The following PPP4R3A variants were observed in gnomAD, a reference collection of about 807,000 sequenced individuals.
PPP4R3A encodes protein phosphatase 4 regulatory subunit 3A.
PPP4R3A carries 15 observed loss-of-function variants against 91.7 expected under a neutral mutation model. The ratio of observed to expected loss-of-function variants is 0.16; its 90% CI spans 0.11 to 0.25. The LOEUF (loss-of-function observed/expected upper bound fraction) is 0.25, where lower values mean the gene tolerates loss of function less well. Among genes scored for constraint, PPP4R3A ranks in the 10% least tolerant of loss-of-function variants. The pLI, the probability that PPP4R3A is intolerant of heterozygous loss-of-function variation, is 1.00. For synonymous variants in PPP4R3A, 377 were observed against 348.7 expected (o/e 1.08, Z -0.91); for missense variants, 623 against 998.4 (o/e 0.62, Z 5.07).
In PPP4R3A at chr14:91,458,515, G is replaced by T; in HGVS notation, c.*244C>A. The T allele has an allele frequency of 1.8e-6, 1 of 557,638 alleles. No individual in the cohort carries two copies. The allele number at this position is 557,638 out of a possible 1,614,324, so 34.5% of individuals were successfully genotyped here. ...GCTTTTTGTTTCCATTTCCTTCCCT[G>T]AGAAAAGGGCAATGTGTGGTCCAAG... On this transcript the variant is annotated 3_prime_UTR_variant, in exon 15 of 15. Transcript: ENST00000554943.
chr14:91,468,711 A>G (rs1298069549), intron 10 of PPP4R3A, among the ~76,000 whole-genome samples: 1 of 141,302 alleles, frequency 7.1e-6, no homozygotes, highest in African/African-American at 2.6e-5. Flanking sequence ...AAAAAAGACC[A>G]AGTATACTTT....
Position 91,473,218 on chromosome 14 carries a change from G to A in PPP4R3A, c.1398+21C>T, listed in dbSNP as rs559304687. The A allele has an allele frequency of 2.5e-6, 4 of 1,612,516 alleles. No individual in the cohort carries two copies. In the African/African-American group the frequency reaches 5.3e-5, roughly 22 times the overall value. On this transcript the variant is annotated intron_variant, in intron 8 of 14. Coordinates refer to ENST00000554943, the MANE Select transcript of PPP4R3A (RefSeq NM_001366432.2). The stretch of plus-strand genomic sequence containing the variant: ...CACAATATACTAGCTATGAAAAAGA[G>A]GGGAAATGCTCATGGCTTACATTGG...
rs150507196 is a variant in PPP4R3A at position 91,463,464 on chromosome 14, C to T, written c.1831-587G>A. 2.0e-3 allele frequency among the ~76,000 whole-genome samples: 300 copies of T among 151,986 alleles called. 1 individual carries two copies. Among genetic ancestry groups the T allele is most frequent in the African/African-American group, 6.9e-3 (287 of 41,416 alleles). On this transcript the variant is annotated intron_variant, in intron 11 of 14. Transcript: ENST00000554943. ...TGTGTATTTTTTAGAGATGGGGTCT[C>T]GTTCTGGCACCTAGGTTGAGATATA... is the stretch of plus-strand genomic sequence containing the variant.
At chr14:91,498,065 T>C (rs1359221673) in intron 1 of PPP4R3A, among the ~76,000 whole-genome samples, 1 of 152,204 alleles carries the variant, frequency 6.6e-6, no homozygotes, top group African/African-American at 2.4e-5. Flanking sequence ...CCAGGCATGG[T>C]GGCTCATGCC....
chr14:91,466,900 T>G (rs1888501808), intron 10 of PPP4R3A, among the ~76,000 whole-genome samples: 2 of 151,208 alleles, frequency 1.3e-5, no homozygotes, highest in African/African-American at 4.9e-5. Context: ...GAATTTGTAC[T>G]CCAACTTTGC....
chr14:91,506,163 G>C (rs1891280888), intron 1 of PPP4R3A, among the ~76,000 whole-genome samples: 1 of 152,142 alleles, frequency 6.6e-6, no homozygotes, highest in Non-Finnish European at 1.5e-5. Context: ...TAGCCAGGAT[G>C]GTCTCGATCT....
Position 91,462,065 on chromosome 14 carries a change from G to T in PPP4R3A, c.2148C>A (p.Phe716Leu). ...DDDIMDPISK[F>L]MERKKLKESE... is the part of the protein sequence containing the mutation. The stretch of plus-strand genomic sequence containing the variant: ...CCAACATACATTTCTTCCTTTCCAT[G>T]AATTTACTTATTGGATCCATAATAT... Residue 716 changes from phenylalanine to leucine, a missense_variant, in exon 13 of 15, where the codon TTC (phenylalanine) becomes TTA (leucine). By Grantham distance (22) the Phe-to-Leu change is conservative (BLOSUM62 0). Transcript: ENST00000554943. 6.6e-7 allele frequency: 1 copy of T among 1,512,250 alleles called. No homozygotes were observed. Among genetic ancestry groups the T allele is most frequent in the South Asian group, 1.3e-5 (1 of 76,138 alleles). The allele number at this position is 1,512,250 out of a possible 1,614,324, so 93.7% of individuals were successfully genotyped here.
At position 91,468,667 on chromosome 14, in the gene PPP4R3A, C is replaced by CAAAAAAAAAAAAAAAAA. The variant is rs766250846; in HGVS notation, c.1660+2153_1660+2169dup. Among the ~76,000 whole-genome samples the CAAAAAAAAAAAAAAAAA allele has an allele frequency of 6.0e-4, 27 of 45,042 alleles. 1 individual carries two copies. Among genetic ancestry groups the CAAAAAAAAAAAAAAAAA allele is most frequent in the East Asian group, 1.7e-3 (1 of 576 alleles). The allele number at this position is 45,042 out of a possible 152,430, so 29.5% of individuals were successfully genotyped here. A position where few individuals can be genotyped will look rare whatever the true frequency, so the allele number is the denominator to read the frequency against. ...AAGGCGACAGAGTGAGACTCCGTCT[C>CAAAAAAAAAAAAAAAAA]AAAAAAAAAAAAAAAAAAAAAAGGA... is the stretch of plus-strand genomic sequence containing the variant. On this transcript the variant is annotated intron_variant, in intron 10 of 14. Transcript: ENST00000554943.
chr14:91,466,331 C>T (rs1349082265), intron 10 of PPP4R3A: 1 of 985,830 alleles, frequency 1.0e-6, no homozygotes, highest in Non-Finnish European at 1.2e-6. Context: ...CTTTGGAGAT[C>T]ATGGAAGTGG....
chr14:91,503,160 A>G (rs1033834950), intron 1 of PPP4R3A, among the ~76,000 whole-genome samples: 18 of 152,020 alleles, frequency 1.2e-4, no homozygotes, highest in African/African-American at 4.1e-4. Flanking sequence ...CTAATTTTCT[A>G]AACTTTTTGT....
At chr14:91,502,455 T>TTA (rs1891026735) in intron 1 of PPP4R3A, among the ~76,000 whole-genome samples, 1 of 152,098 alleles carries the variant, frequency 6.6e-6, no homozygotes, top group Non-Finnish European at 1.5e-5. Context: ...GTGAAATACT[T>TTA]CCCCTTGTAC....
At position 91,461,592 on chromosome 14, in the gene PPP4R3A, T is replaced by C. The variant is rs1277497308; in HGVS notation, c.2180A>G (p.Glu727Gly). The C allele has an allele frequency of 3.1e-6, 5 of 1,613,758 alleles. No homozygotes were observed. The African/African-American group carries it at 6.7e-5, about 22-fold the overall frequency. The change falls in exon 14 of 15, where the codon GAA becomes GGA. Residue 727 changes from glutamate (E) to glycine (G), a missense_variant. By Grantham distance (98) the Glu-to-Gly change is moderately conservative. Coordinates refer to ENST00000554943, the MANE Select transcript of PPP4R3A (RefSeq NM_001366432.2). The stretch of plus-strand genomic sequence containing the variant: ...GTTTGTTTTCAGAAGCACTTCCTTT[T>C]CCTCACTTTCTTTTACTAAAAATGA... The part of the protein sequence containing the change: ...MERKKLKESE[E>G]KEVLLKTNLS...
At chr14:91,464,456 T>C (rs1888358764) in intron 11 of PPP4R3A, among the ~76,000 whole-genome samples, 1 of 152,136 alleles carries the variant, frequency 6.6e-6, no homozygotes, top group Non-Finnish European at 1.5e-5. Flanking sequence ...TATATTATTT[T>C]ATCCCAGCTT....
At chr14:91,501,390 T>G (rs1890942031) in intron 1 of PPP4R3A, among the ~76,000 whole-genome samples, 1 of 152,180 alleles carries the variant, frequency 6.6e-6, no homozygotes, top group African/African-American at 2.4e-5. Context: ...ATTCAAGGCT[T>G]AAGGCAGGGA....
chr14:91,460,799 TTAG>T (rs1888098928), intron 14 of PPP4R3A, among the ~76,000 whole-genome samples: 1 of 152,212 alleles, frequency 6.6e-6, no homozygotes, highest in African/African-American at 2.4e-5. Context: ...TTTTGTATTT[TTAG>T]TAGAAACGGG....
intron 1 of PPP4R3A, among the ~76,000 whole-genome samples, chr14:91,496,610 A>G (rs1168330932): frequency 6.6e-6 from 1 of 152,240 alleles, no homozygotes; most frequent in African/African-American, 2.4e-5. Context: ...AACAGGACAC[A>G]CTAGAAGCTT....
At chr14:91,489,534 C>T (rs1346907919) in intron 2 of PPP4R3A, among the ~76,000 whole-genome samples, 1 of 152,170 alleles carries the variant, frequency 6.6e-6, no homozygotes, top group African/African-American at 2.4e-5. Context: ...ATTACAGCAA[C>T]TTTTCCCCAA....
intron 1 of PPP4R3A, among the ~76,000 whole-genome samples, chr14:91,508,138 G>A (rs765581246): frequency 6.6e-6 from 1 of 152,068 alleles, no homozygotes; most frequent in Non-Finnish European, 1.5e-5. Context: ...CATTCAAATT[G>A]TATTTTAAGA....
chr14:91,507,591 T>C (rs1891477602), intron 1 of PPP4R3A, among the ~76,000 whole-genome samples: 1 of 143,900 alleles, frequency 6.9e-6, no homozygotes, highest in Non-Finnish European at 1.5e-5. Flanking sequence ...TAGTTATATA[T>C]ACATGTTATA....
Sources: gnomAD v4.1 joint callset for allele counts (sites outside exome capture counted in the v4.1 genomes callset) on GRCh38, gnomAD v4.1.1 for gene constraint, MANE v1.5 for transcripts, NCBI Gene and HGNC (gene_info 2026-07-23, HGNC 2026-07-21) for gene names.